APC: variants seen among roughly 807,000 people sequenced by gnomAD.
The protein encoded by APC is adenomatous polyposis coli protein.
In APC, 72 loss-of-function variants were observed where a neutral mutation model predicts 247.0. The observed-to-expected ratio is 0.29, with a 90% CI of 0.24 to 0.35. APC has a LOEUF of 0.35. APC is among the 10% of genes least tolerant of loss of function. The pLI, the probability that APC is intolerant of heterozygous loss-of-function variation, is 1.00. For missense variants in APC, 3,400 were observed against 3,360.7 expected, an observed-to-expected ratio of 1.01 and a Z score of -0.29; for synonymous variants, 1,254 against 1,162.5, an observed-to-expected ratio of 1.08 and a Z score of -1.60.
intron 11 of APC, among the ~76,000 whole-genome samples, chr5:112,825,326 C>G (rs930379016): frequency 5.9e-5 from 9 of 152,162 alleles, no homozygotes; most frequent in Non-Finnish European, 8.8e-5. Flanking sequence ...CGATTTTGTT[C>G]ACTGAAACCA....
At chr5:112,804,213 T>C (rs1761129203) in intron 8 of APC, among the ~76,000 whole-genome samples, 1 of 152,258 alleles carries the variant, frequency 6.6e-6, no homozygotes, top group Non-Finnish European at 1.5e-5. Context: ...TTTGATACGC[T>C]GTATTCCTGC....
chr5:112,814,066 C>G (rs1762243654), intron 8 of APC, among the ~76,000 whole-genome samples: 2 of 152,178 alleles, frequency 1.3e-5, no homozygotes, highest in Admixed American at 1.3e-4. Flanking sequence ...AAGCTTAAGA[C>G]CACCCTTGGT....
intron 2 of APC, among the ~76,000 whole-genome samples, chr5:112,764,131 A>G (rs545228846): frequency 6.6e-6 from 1 of 151,490 alleles, no homozygotes; most frequent in Non-Finnish European, 1.5e-5. Flanking sequence ...CTGTAGTCCC[A>G]GCTACTGGGG....
chr5:112,815,067 C>CT (rs776880949), intron 8 of APC, among the ~76,000 whole-genome samples: 5 of 152,162 alleles, frequency 3.3e-5, no homozygotes, highest in Non-Finnish European at 5.9e-5. Flanking sequence ...TTAAACAGCC[C>CT]TTTCTAAACT....
intron 8 of APC, among the ~76,000 whole-genome samples, chr5:112,804,679 A>G (rs1031796113): frequency 2.0e-5 from 3 of 152,182 alleles, no homozygotes; most frequent in Non-Finnish European, 4.4e-5. Flanking sequence ...CGCCCGGCCA[A>G]TTACAACTTT....
intron 11 of APC, among the ~76,000 whole-genome samples, chr5:112,823,575 T>C (rs1284976069): frequency 6.6e-6 from 1 of 152,218 alleles, no homozygotes; most frequent in South Asian, 2.1e-4. Context: ...GGGGAATTCC[T>C]TAGTTCAGTC....
At chr5:112,738,095 A>T (rs755774589) in intron 1 of APC, among the ~76,000 whole-genome samples, 170 bp downstream of exon 1, 1 of 152,030 alleles carries the variant, frequency 6.6e-6, no homozygotes, top group African/African-American at 2.4e-5. Flanking sequence ...AGCACTGGAG[A>T]TGGATTTCCT....
At chr5:112,752,131 G>C (rs1754454445) in intron 1 of APC, among the ~76,000 whole-genome samples, 1 of 151,912 alleles carries the variant, frequency 6.6e-6, no homozygotes, top group Non-Finnish European at 1.5e-5. Context: ...AAATTTGTTT[G>C]CATAGAGTTG....
At chr5:112,758,934 C>G (rs1398196560) in intron 2 of APC, among the ~76,000 whole-genome samples, 1 of 152,056 alleles carries the variant, frequency 6.6e-6, no homozygotes, top group Non-Finnish European at 1.5e-5. Flanking sequence ...CTTTAAAATA[C>G]TGAGTATAGC....
rs575724078 is a variant in APC, at chr5:112,841,434, C to G, written c.5840C>G (p.Thr1947Ser). 14 of 1,613,920 alleles carry G rather than the reference C, an allele frequency of 8.7e-6. No homozygotes were observed. The South Asian group carries it at 1.5e-4, about 18-fold the overall frequency. ...GACATACCAGACAGAGGGGCAGCAA[C>G]TGATGAAAAGTTACAGAATTTTGCT... ...SKDIPDRGAA[T>S]DEKLQNFAIE... Residue 1947 changes from threonine to serine, a missense_variant, in exon 16 of 16, where the codon ACT (threonine) becomes AGT (serine). Physicochemically the swap from Thr to Ser is moderately conservative, Grantham distance 58. Coordinates refer to ENST00000257430, the MANE Select transcript of APC (RefSeq NM_000038.6). This position sits in a 1 kb window ranked among gnomAD's most constrained non-coding sequence, Gnocchi z 4.6.
At chr5:112,811,360 G>A (rs1005304348) in intron 8 of APC, among the ~76,000 whole-genome samples, 1 of 152,198 alleles carries the variant, frequency 6.6e-6, no homozygotes, top group Non-Finnish European at 1.5e-5. Flanking sequence ...TTTGAGTTGG[G>A]TGGGAAACAA....
At chr5:112,792,415 A>C (rs1054471601) in intron 6 of APC, 31 bp from the exon 7 acceptor site, 11 of 1,458,360 alleles carry the variant, frequency 7.5e-6, no homozygotes, top group Non-Finnish European at 1.0e-5. Context: ...TAATAAAAAC[A>C]TAACTAATTA....
At position 112,841,626 on chromosome 5, in the gene APC, C is replaced by T. The variant is rs1554087155; in HGVS notation, c.6032C>T (p.Ser2011Leu). Residue 2011 changes from serine to leucine, a missense_variant, in exon 16 of 16, where the codon TCA (serine) becomes TTA (leucine). By Grantham distance (145) the Ser-to-Leu change is moderately radical. Coordinates refer to ENST00000257430, the MANE Select transcript of APC (RefSeq NM_000038.6). This position sits in a 1 kb window ranked among gnomAD's most constrained non-coding sequence, Gnocchi z 4.6. ...CAAGCATCAGGCTATGCTCCTAAAT[C>T]ATTTCATGTTGAAGATACCCCAGTT... Reference protein sequence around the residue: ...KPQASGYAPKSFHVEDTPVCF... With the variant: ...KPQASGYAPKLFHVEDTPVCF... 1.2e-6 allele frequency: 2 copies of T among 1,613,280 alleles called. No individual in the cohort carries two copies. Among genetic ancestry groups the T allele is most frequent in the Non-Finnish European group, 1.7e-6 (2 of 1,179,250 alleles).
At chr5:112,779,982 C>G (rs956671795) in intron 5 of APC, among the ~76,000 whole-genome samples, 1 of 152,152 alleles carries the variant, frequency 6.6e-6, no homozygotes, top group Non-Finnish European at 1.5e-5. Flanking sequence ...GCCTGATTCC[C>G]TTCATGGCCC....
intron 8 of APC, among the ~76,000 whole-genome samples, chr5:112,806,525 A>G (rs1302808996): frequency 1.3e-5 from 2 of 151,982 alleles, no homozygotes; most frequent in Non-Finnish European, 2.9e-5. Context: ...AACTATGTGT[A>G]TAATTTATTT....
chr5:112,843,129 G>C lies in APC; in HGVS notation c.7535G>C (p.Ser2512Thr), dbSNP rs1060503315. 1.9e-6 allele frequency: 3 copies of C among 1,613,950 alleles called. No homozygotes were observed. Among genetic ancestry groups the C allele is most frequent in the Non-Finnish European group, 2.5e-6 (3 of 1,179,890 alleles). The part of the protein sequence containing the change: ...GGWRKLPPNL[S>T]PTIEYNDGRP... ...TGGCGAAAACTCCCACCTAATCTCA[G>C]TCCCACTATAGAGTATAATGATGGA... The change falls in exon 16 of 16, where the codon AGT becomes ACT. Residue 2512 changes from serine to threonine, a missense_variant. Ser to Thr is a moderately conservative substitution (Grantham distance 58). Transcript: ENST00000257430. The surrounding 1 kb of genome is among the most constrained non-coding windows in gnomAD (Gnocchi z 4.8).
At position 112,844,746 on chromosome 5, in the gene APC, C is replaced by T; in HGVS notation, c.*620C>T. The T allele has an allele frequency of 4.3e-6, 1 of 231,794 alleles. No individual in the cohort carries two copies. Among genetic ancestry groups the T allele is most frequent in the Non-Finnish European group, 8.5e-6 (1 of 117,066 alleles). 14.4% of individuals were successfully genotyped at this position (231,794 alleles called of 1,614,324 possible). A position where few individuals can be genotyped will look rare whatever the true frequency, so the allele number is the denominator to read the frequency against. ...GAGATAGCTACAGTGTAATAATTTACACTATTTTGTGCTCCAAACAAAACA... is the reference window on the plus strand; with the variant it reads ...GAGATAGCTACAGTGTAATAATTTATACTATTTTGTGCTCCAAACAAAACA... On this transcript the variant is annotated 3_prime_UTR_variant, in exon 16 of 16. Coordinates refer to ENST00000257430, the MANE Select transcript of APC (RefSeq NM_000038.6).
intron 15 of APC, among the ~76,000 whole-genome samples, chr5:112,836,679 C>CGTG: frequency 6.6e-6 from 1 of 152,232 alleles, no homozygotes; most frequent in Admixed American, 6.5e-5. Flanking sequence ...AATAAGCACA[C>CGTG]AGTCTGCCAA....
rs188769020 is a variant in APC at position 112,752,407 on chromosome 5, T to C, written c.-18-2466T>C. ...CATTACTTGTAAATTTATTTTCTAA[T>C]GAACATTTGAATAAAAGTCTAGATA... On this transcript the variant is annotated intron_variant, in intron 1 of 15. Coordinates refer to ENST00000257430, the MANE Select transcript of APC (RefSeq NM_000038.6). 4.4e-3 allele frequency among the ~76,000 whole-genome samples: 668 copies of C among 152,332 alleles called. 3 individuals are homozygous for C. Among genetic ancestry groups the C allele is most frequent in the Middle Eastern group, 0.01 (3 of 294 alleles).
Sources: allele counts gnomAD v4.1 joint callset (sites outside exome capture counted in the v4.1 genomes callset), GRCh38; gene constraint gnomAD v4.1.1; non-coding constraint Gnocchi (gnomAD v3.1); transcripts MANE v1.5; gene names NCBI Gene and HGNC (gene_info 2026-07-23, HGNC 2026-07-21).